The following GRIK3 variants were observed in gnomAD, a reference collection of about 807,000 sequenced individuals.
GRIK3 encodes the protein glutamate receptor ionotropic, kainate 3.
GRIK3 carries 29 observed loss-of-function variants against 102.5 expected under a neutral mutation model. That is an observed-to-expected ratio of 0.28 (90% CI 0.21 to 0.39). The LOEUF (loss-of-function observed/expected upper bound fraction) is 0.39, where lower values mean the gene tolerates loss of function less well. GRIK3 is among the 10% of genes least tolerant of loss of function. The pLI is 1.00. For missense variants in GRIK3, 908 were observed against 1,252.4 expected, an observed-to-expected ratio of 0.73 and a Z score of 4.15; for synonymous variants, 511 against 504.9, an observed-to-expected ratio of 1.01 and a Z score of -0.16.
chr1:36,925,165 C>T (rs1641514271), intron 1 of GRIK3, among the ~76,000 whole-genome samples: 1 of 152,192 alleles, frequency 6.6e-6, no homozygotes, highest in African/African-American at 2.4e-5. Context: ...AAAGGCAGTA[C>T]ACTTAGATAC....
At chr1:36,926,935 A>C (rs753702978) in intron 1 of GRIK3, among the ~76,000 whole-genome samples, 1 of 152,286 alleles carries the variant, frequency 6.6e-6, no homozygotes, top group Non-Finnish European at 1.5e-5. Flanking sequence ...TGACCCTCTA[A>C]TACTAGAATT....
At chr1:36,844,542 A>G (rs370848508) in intron 9 of GRIK3, among the ~76,000 whole-genome samples, 101 of 152,332 alleles carry the variant, frequency 6.6e-4, no homozygotes, top group African/African-American at 2.2e-3. Flanking sequence ...CCCTGACTTT[A>G]GCTGATGGAA....
chr1:36,988,746 G>T (rs1410010892), intron 1 of GRIK3, among the ~76,000 whole-genome samples: 1 of 152,154 alleles, frequency 6.6e-6, no homozygotes, highest in African/African-American at 2.4e-5. Flanking sequence ...TACATTAACT[G>T]CCTATGTTTA....
rs1640563502 is a variant in GRIK3 at position 36,850,052 on chromosome 1, C to T, written c.1326+259G>A. Reference sequence around the variant, plus strand: ...AAACCCCCTTAATTCCACCATCCAGCATGGTTCCTACTCAGACATCAAGGA... The same window carrying T: ...AAACCCCCTTAATTCCACCATCCAGTATGGTTCCTACTCAGACATCAAGGA... On this transcript the variant is annotated intron_variant, in intron 9 of 15. Coordinates refer to ENST00000373091, the MANE Select transcript of GRIK3 (RefSeq NM_000831.4). This position sits in a 1 kb window ranked among gnomAD's most constrained non-coding sequence, Gnocchi z 4.0. 2 of 454,198 alleles carry T rather than the reference C, an allele frequency of 4.4e-6. 1 individual carries two copies. Among genetic ancestry groups the T allele is most frequent in the South Asian group, 5.7e-5 (2 of 35,216 alleles). The allele number at this position is 454,198 out of a possible 1,614,324, so 28.1% of individuals were successfully genotyped here.
At chr1:36,870,697 G>T (rs1365298158) in intron 4 of GRIK3, among the ~76,000 whole-genome samples, 1 of 152,180 alleles carries the variant, frequency 6.6e-6, no homozygotes, top group African/African-American at 2.4e-5. Context: ...TTTAAAATCA[G>T]ACAGACCTGG....
At chr1:36,813,505 CTG>C (rs1642585863) in intron 13 of GRIK3, among the ~76,000 whole-genome samples, 1 of 152,156 alleles carries the variant, frequency 6.6e-6, no homozygotes, top group South Asian at 2.1e-4. Context: ...GGAGAGGGCA[CTG>C]TGCATGAAGA....
intron 1 of GRIK3, among the ~76,000 whole-genome samples, chr1:36,934,305 C>G (rs1414416534): frequency 6.6e-6 from 1 of 152,210 alleles, no homozygotes; most frequent in Non-Finnish European, 1.5e-5. Context: ...CCTGCCTACT[C>G]TCCTGTGTGC....
intron 3 of GRIK3, among the ~76,000 whole-genome samples, chr1:36,873,567 G>T (rs897372925): frequency 1.3e-5 from 2 of 152,106 alleles, no homozygotes; most frequent in Non-Finnish European, 2.9e-5. Context: ...CCTCCTGCTT[G>T]CTTGGTCCCT....
chr1:36,891,875 C>T (rs756514659), intron 1 of GRIK3, among the ~76,000 whole-genome samples: 2 of 152,144 alleles, frequency 1.3e-5, no homozygotes, highest in Non-Finnish European at 2.9e-5. Context: ...GACCAGTTAG[C>T]ACAAATTAAT....
intron 1 of GRIK3, among the ~76,000 whole-genome samples, chr1:36,942,369 T>C (rs1641732497): frequency 6.6e-6 from 1 of 152,212 alleles, no homozygotes; most frequent in African/African-American, 2.4e-5. Flanking sequence ...GCGGAAACCC[T>C]TCACAGAGAT....
At chr1:37,024,766 G>A (rs955221418) in intron 1 of GRIK3, among the ~76,000 whole-genome samples, 1 of 141,390 alleles carries the variant, frequency 7.1e-6, no homozygotes, top group Non-Finnish European at 1.5e-5. Flanking sequence ...AAAAAAAAGA[G>A]TTTGCTCAAG....
intron 1 of GRIK3, among the ~76,000 whole-genome samples, chr1:36,989,381 G>C (rs1210371487): frequency 6.6e-6 from 1 of 152,204 alleles, no homozygotes; most frequent in African/African-American, 2.4e-5. Context: ...TGGCAGAGGA[G>C]GAGGAGGAGG....
chr1:36,808,940 C>T (rs1316071048), intron 13 of GRIK3, among the ~76,000 whole-genome samples: 1 of 152,158 alleles, frequency 6.6e-6, no homozygotes, highest in Non-Finnish European at 1.5e-5. Context: ...TTGCCAGATA[C>T]ACGTGTTCCT....
At chr1:36,888,749 A>T (rs1012795283) in intron 2 of GRIK3, among the ~76,000 whole-genome samples, 1 of 149,754 alleles carries the variant, frequency 6.7e-6, no homozygotes, top group Non-Finnish European at 1.5e-5. Context: ...GCCTTATCCC[A>T]CTCCTCACTC....
chr1:36,956,256 C>T (rs576464599), intron 1 of GRIK3, among the ~76,000 whole-genome samples: 86 of 152,232 alleles, frequency 5.6e-4, no homozygotes, highest in African/African-American at 1.7e-3. Context: ...AAGCAGGCAG[C>T]GTGATTGGTA....
chr1:36,970,893 T>C (rs189015759), intron 1 of GRIK3, among the ~76,000 whole-genome samples: 1 of 152,342 alleles, frequency 6.6e-6, no homozygotes, highest in African/African-American at 2.4e-5. Flanking sequence ...AATGACCCTA[T>C]ATTTTATTCC....
At chr1:36,966,795 C>T (rs377171130) in intron 1 of GRIK3, among the ~76,000 whole-genome samples, 2 of 152,150 alleles carry the variant, frequency 1.3e-5, no homozygotes, top group African/African-American at 4.8e-5. Flanking sequence ...TTCTCATACT[C>T]ATATGGATTC....
At position 36,891,074 on chromosome 1, in the gene GRIK3, G is replaced by A. The variant is rs150456185; in HGVS notation, c.138C>T (p.Asp46=). Residue 46 remains aspartate (D), a synonymous_variant, in exon 2 of 16, where the codon GAC becomes GAT. Transcript: ENST00000373091. ...IRIGGIFEYA[D]GPNAQVMNAE... ...CATTCATGACCTGGGCGTTGGGGCC[G>A]TCCGCATACTCGAAGATTCCTCCTG... The A allele has an allele frequency of 1.0e-4, 163 of 1,612,652 alleles. No homozygotes were observed. The highest frequency in any genetic ancestry group is 1.3e-4 in the Non-Finnish European group (155 of 1,179,238).
chr1:36,943,346 C>A (rs902613856), intron 1 of GRIK3, among the ~76,000 whole-genome samples: 47 of 152,178 alleles, frequency 3.1e-4, no homozygotes, highest in African/African-American at 1.1e-3. Context: ...GAAACTGAGA[C>A]CAAGGAGAGA....
Sources: gnomAD v4.1 joint callset for allele counts (sites outside exome capture counted in the v4.1 genomes callset) on GRCh38, gnomAD v4.1.1 for gene constraint, Gnocchi (gnomAD v3.1) non-coding constraint, MANE v1.5 for transcripts, NCBI Gene and HGNC (gene_info 2026-07-23, HGNC 2026-07-21) for gene names.